The following TENM3 variants were observed in gnomAD, a reference collection of about 807,000 sequenced individuals.
TENM3 encodes the protein teneurin-3.
In TENM3, 63 loss-of-function variants were observed where a neutral mutation model predicts 255.1. The ratio of observed to expected loss-of-function variants is 0.25; its 90% CI spans 0.20 to 0.30. The LOEUF (loss-of-function observed/expected upper bound fraction) is 0.30, where lower values mean the gene tolerates loss of function less well. Ranked by LOEUF, TENM3 falls within the 10% of genes least tolerant of loss-of-function variation. TENM3 has a pLI of 1.00. For synonymous variants in TENM3, 1,306 were observed against 1,322.3 expected, an observed-to-expected ratio of 0.99 and a Z score of 0.27; for missense variants, 2,929 against 3,461.1, an observed-to-expected ratio of 0.85 and a Z score of 3.86.
intron 3 of TENM3, among the ~76,000 whole-genome samples, chr4:182,391,937 C>T (rs1422038470): frequency 6.6e-6 from 1 of 152,008 alleles, no homozygotes; most frequent in Non-Finnish European, 1.5e-5. Context: ...AAAGCAGTTT[C>T]AGGCATAGGC....
the TENM3 span, among the ~76,000 whole-genome samples, chr4:181,884,742 A>T: frequency 2.6e-5 from 4 of 152,164 alleles, no homozygotes; most frequent in Non-Finnish European, 2.9e-5. Flanking sequence ...GAGTTGTCAA[A>T]ATACTAGCAA....
At chr4:182,287,651 A>T (rs1253277046) in intron 1 of TENM3, among the ~76,000 whole-genome samples, 4 of 120,994 alleles carry the variant, frequency 3.3e-5, no homozygotes, top group African/African-American at 3.6e-5. Flanking sequence ...TCTCGCTCTG[A>T]CACCCAGGCT....
chr4:182,529,874 G>A (rs2151833825), intron 3 of TENM3, among the ~76,000 whole-genome samples: 1 of 152,298 alleles, frequency 6.6e-6, no homozygotes, highest in South Asian at 2.1e-4. Context: ...GTGTACACGT[G>A]CCAAATGATT....
At chr4:182,650,881 TAA>T (rs1230977965) in intron 5 of TENM3, among the ~76,000 whole-genome samples, 3,529 of 60,144 alleles carry the variant, frequency 0.059, 84 homozygotes, top group African/African-American at 0.11. Flanking sequence ...TTTTCTGTAA[TAA>T]AAAAAAATAT....
the TENM3 span, among the ~76,000 whole-genome samples, chr4:181,650,469 T>G: frequency 6.6e-6 from 1 of 152,310 alleles, no homozygotes; most frequent in African/African-American, 2.4e-5. Context: ...AGGAACACTC[T>G]TCACCCTCAA....
chr4:182,589,820 A>G (rs956831316), intron 3 of TENM3, among the ~76,000 whole-genome samples: 1 of 151,944 alleles, frequency 6.6e-6, no homozygotes, highest in Non-Finnish European at 1.5e-5. Context: ...TAAAAATACA[A>G]AAAATTAGCT....
chr4:181,802,216 A>G, the TENM3 span, among the ~76,000 whole-genome samples: 6 of 152,208 alleles, frequency 3.9e-5, no homozygotes, highest in Admixed American at 2.0e-4. Flanking sequence ...TATAATGGGT[A>G]CTATTATGGC....
At chr4:181,497,272 C>T in the TENM3 span, among the ~76,000 whole-genome samples, 1 of 152,158 alleles carries the variant, frequency 6.6e-6, no homozygotes, top group Non-Finnish European at 1.5e-5. Context: ...ATATTTTTAA[C>T]AGCAGCTCCC....
intron 3 of TENM3, among the ~76,000 whole-genome samples, chr4:182,564,771 C>G (rs778444198): frequency 2.0e-5 from 3 of 152,132 alleles, no homozygotes; most frequent in Non-Finnish European, 4.4e-5. Flanking sequence ...GGTAGTTGAT[C>G]TGCAGTAACT....
chr4:181,849,949 T>TCTCTCTCTCTCACACACACACACACA, the TENM3 span, among the ~76,000 whole-genome samples: 372 of 65,894 alleles, frequency 5.6e-3, 6 homozygotes, highest in Middle Eastern at 0.01. Context: ...TCTCTCTCTC[T>TCTCTCTCTCTCACACACACACACACA]CACACACACA....
the TENM3 span, among the ~76,000 whole-genome samples, chr4:181,629,704 T>A: frequency 6.6e-6 from 1 of 152,194 alleles, no homozygotes; most frequent in South Asian, 2.1e-4. Flanking sequence ...TCATGGTGGA[T>A]AAGCTTTTTG....
At chr4:181,669,883 C>T in the TENM3 span, among the ~76,000 whole-genome samples, 2 of 152,170 alleles carry the variant, frequency 1.3e-5, no homozygotes, top group Admixed American at 1.3e-4. Context: ...CCTGCTGAAA[C>T]ATTCCAGCAC....
At chr4:181,699,472 A>AAAAAAAAAAAAAAAAAAAAAAT in the TENM3 span, among the ~76,000 whole-genome samples, 1 of 132,998 alleles carries the variant, frequency 7.5e-6, no homozygotes, top group African/African-American at 3.0e-5. Flanking sequence ...AAAAAAAAAA[A>AAAAAAAAAAAAAAAAAAAAAAT]GAAAGAAAGA....
chr4:181,957,792 G>A, the TENM3 span, among the ~76,000 whole-genome samples: 1 of 152,116 alleles, frequency 6.6e-6, no homozygotes, highest in Non-Finnish European at 1.5e-5. Flanking sequence ...AAAAATTTGG[G>A]TTTTGATAGA....
intron 3 of TENM3, among the ~76,000 whole-genome samples, chr4:182,361,670 C>G (rs2150782622): frequency 6.6e-6 from 1 of 151,860 alleles, no homozygotes; most frequent in Admixed American, 6.6e-5. Flanking sequence ...TTTGAATTTC[C>G]TCCTGTAGCT....
the TENM3 span, among the ~76,000 whole-genome samples, chr4:181,467,621 C>G: frequency 6.6e-6 from 1 of 151,964 alleles, no homozygotes; most frequent in Admixed American, 6.5e-5. Context: ...AAAAAAGATT[C>G]AAGTGTGGAT....
intron 4 of TENM3, among the ~76,000 whole-genome samples, chr4:182,617,306 C>T (rs1363754947): frequency 1.3e-5 from 2 of 152,144 alleles, no homozygotes; most frequent in Non-Finnish European, 2.9e-5. Context: ...TTTAACAGTA[C>T]TTTTAAAAAT....
chr4:182,617,506 G>A (rs1176775741), intron 4 of TENM3, among the ~76,000 whole-genome samples: 1 of 152,144 alleles, frequency 6.6e-6, no homozygotes, highest in African/African-American at 2.4e-5. Context: ...TGATGTTGAG[G>A]AAATCTTGTG....
At chr4:182,063,870 G>A in the TENM3 span, among the ~76,000 whole-genome samples, 1 of 152,174 alleles carries the variant, frequency 6.6e-6, no homozygotes, top group African/African-American at 2.4e-5. Flanking sequence ...CCAGGCCAGA[G>A]TATTAGGAAT....
Sources: gnomAD v4.1 joint callset for allele counts (sites outside exome capture counted in the v4.1 genomes callset) on GRCh38, gnomAD v4.1.1 for gene constraint, MANE v1.5 for transcripts, NCBI Gene and HGNC (gene_info 2026-07-23, HGNC 2026-07-21) for gene names.